KIAA0825: variants seen among roughly 807,000 people sequenced by gnomAD.
KIAA0825 encodes KIAA0825, also known as uncharacterized protein KIAA0825.
A neutral mutation model predicts 147.6 loss-of-function variants in KIAA0825; 119 were observed. That is an observed-to-expected ratio of 0.81 (90% CI 0.69 to 0.94). The LOEUF (loss-of-function observed/expected upper bound fraction) is 0.94. Ranked by LOEUF, KIAA0825 falls within the 40% of genes least tolerant of loss-of-function variation. The probability of loss-of-function intolerance (pLI) is 0.00; values close to 1 mark genes in which losing one functional copy is unlikely to be tolerated. For missense variants in KIAA0825, 1,381 were observed against 1,472.7 expected (o/e 0.94, Z 1.02); for synonymous variants, 470 against 518.1 (o/e 0.91, Z 1.26).
intron 20 of KIAA0825, among the ~76,000 whole-genome samples, chr5:94,217,241 C>T (rs1773286057): frequency 1.3e-5 from 2 of 151,824 alleles, no homozygotes; most frequent in South Asian, 4.2e-4. Flanking sequence ...TTTAAAATGA[C>T]TTACGTATCA....
At chr5:94,224,530 G>T (rs1400675913) in intron 20 of KIAA0825, among the ~76,000 whole-genome samples, 1 of 152,082 alleles carries the variant, frequency 6.6e-6, no homozygotes, top group Non-Finnish European at 1.5e-5. Context: ...ACTAGGAACG[G>T]TCCTATGAAT....
intron 20 of KIAA0825, among the ~76,000 whole-genome samples, chr5:94,210,811 G>T (rs1372409935): frequency 6.6e-6 from 1 of 152,190 alleles, no homozygotes; most frequent in Non-Finnish European, 1.5e-5. Context: ...ATTAGGTCTA[G>T]GGTGTGGATT....
intron 20 of KIAA0825, among the ~76,000 whole-genome samples, chr5:94,295,423 C>A (rs976115185): frequency 2.0e-5 from 3 of 152,056 alleles, no homozygotes; most frequent in African/African-American, 4.8e-5. Flanking sequence ...CTTCTTCTGT[C>A]AATTTGTCAA....
At chr5:94,433,895 C>A (rs1756011083) in intron 14 of KIAA0825, among the ~76,000 whole-genome samples, 1 of 152,204 alleles carries the variant, frequency 6.6e-6, no homozygotes, top group Admixed American at 6.5e-5. Context: ...ATTCAAATGT[C>A]ACTAGCAGGA....
At chr5:94,417,954 T>C (rs1328534989) in intron 14 of KIAA0825, among the ~76,000 whole-genome samples, 1 of 152,198 alleles carries the variant, frequency 6.6e-6, no homozygotes, top group East Asian at 1.9e-4. Flanking sequence ...GCCATTTTAA[T>C]TGTCCTTTTC....
chr5:94,362,657 C>T (rs745574405), intron 20 of KIAA0825, among the ~76,000 whole-genome samples: 3 of 142,410 alleles, frequency 2.1e-5, no homozygotes, highest in Admixed American at 7.0e-5. Context: ...TATAGCTATA[C>T]CCACTGATTT....
At chr5:94,485,840 C>T (rs1001944838) in intron 5 of KIAA0825, among the ~76,000 whole-genome samples, 4 of 151,506 alleles carry the variant, frequency 2.6e-5, no homozygotes, top group Non-Finnish European at 5.9e-5. Flanking sequence ...ATTAAGGTAG[C>T]TATTGAATCT....
chr5:94,355,379 C>T (rs1373656554), intron 20 of KIAA0825, among the ~76,000 whole-genome samples: 2 of 152,064 alleles, frequency 1.3e-5, no homozygotes, highest in Admixed American at 6.5e-5. Context: ...AGCAAAGAAA[C>T]ATGTTTGGGG....
intron 2 of KIAA0825, among the ~76,000 whole-genome samples, chr5:94,553,203 C>T (rs1373212009): frequency 2.6e-5 from 4 of 151,978 alleles, no homozygotes; most frequent in Non-Finnish European, 5.9e-5. Flanking sequence ...CTTTGGGAGG[C>T]GGAGGCGGGT....
At chr5:94,327,200 A>G (rs1562381648) in intron 20 of KIAA0825, among the ~76,000 whole-genome samples, 1 of 152,136 alleles carries the variant, frequency 6.6e-6, no homozygotes, top group Non-Finnish European at 1.5e-5. Context: ...ATAAGGGGTG[A>G]GAGGTGGCTG....
chr5:94,535,789 T>C lies in KIAA0825; in HGVS notation c.131+1207A>G, dbSNP rs576492464. The stretch of plus-strand genomic sequence containing the variant: ...TGTCATAAAGATACAAAAAAGTTTC[T>C]TTCTCCTCAGGATAAAGCCAATTAG... On this transcript the variant is annotated intron_variant, in intron 3 of 20. Transcript: ENST00000682413. Among the ~76,000 whole-genome samples the C allele has an allele frequency of 3.1e-4, 47 of 152,332 alleles. 1 individual carries two copies. The South Asian group carries it at 8.9e-3, about 29-fold the overall frequency.
chr5:94,577,215 T>C (rs1584944177), intron 2 of KIAA0825, among the ~76,000 whole-genome samples: 1 of 152,140 alleles, frequency 6.6e-6, no homozygotes, highest in African/African-American at 2.4e-5. Context: ...AAAGCTATGA[T>C]TGAAAAATCC....
chr5:94,453,164 G>T, intron 12 of KIAA0825, 95 bp from the exon 13 acceptor site: 1 of 691,640 alleles, frequency 1.4e-6, no homozygotes, highest in South Asian at 1.9e-5. Context: ...TTCAGTTAAT[G>T]ATTTTTTTTG....
chr5:94,537,997 G>A (rs771179916), intron 2 of KIAA0825, among the ~76,000 whole-genome samples: 24 of 152,152 alleles, frequency 1.6e-4, no homozygotes, highest in Non-Finnish European at 2.8e-4. Context: ...TGAGGCACAT[G>A]TATTTCCCCA....
Position 94,464,856 on chromosome 5 carries a change from G to T in KIAA0825, c.2063+13C>A. 1 of 1,534,322 alleles carries T rather than the reference G, an allele frequency of 6.5e-7. No individual in the cohort carries two copies. Among genetic ancestry groups the T allele is most frequent in the South Asian group, 1.2e-5 (1 of 82,310 alleles). ...TTTTCTTGAAAAGCAATGTTTTTCA[G>T]AACTTCAATTACCTTAACTGTGGAG... On this transcript the variant is annotated intron_variant, in intron 11 of 20. Coordinates refer to ENST00000682413, the MANE Select transcript of KIAA0825 (RefSeq NM_001145678.3).
chr5:94,177,434 T>C (rs1183995578), intron 20 of KIAA0825, among the ~76,000 whole-genome samples: 1 of 152,126 alleles, frequency 6.6e-6, no homozygotes, highest in Non-Finnish European at 1.5e-5. Context: ...CCCATTCATT[T>C]GCTACTAACC....
chr5:94,233,329 C>T (rs1222274262), intron 20 of KIAA0825, among the ~76,000 whole-genome samples: 2 of 152,144 alleles, frequency 1.3e-5, no homozygotes, highest in African/African-American at 4.8e-5. Context: ...TGAGGCATTA[C>T]TGAACAATGT....
intron 5 of KIAA0825, among the ~76,000 whole-genome samples, chr5:94,498,066 C>T (rs1191592771): frequency 6.6e-6 from 1 of 152,172 alleles, no homozygotes; most frequent in Non-Finnish European, 1.5e-5. Context: ...GGTAATCTTA[C>T]ACATAACTGG....
chr5:94,348,642 C>T (rs767848253), intron 20 of KIAA0825, among the ~76,000 whole-genome samples: 11 of 152,060 alleles, frequency 7.2e-5, no homozygotes, highest in Non-Finnish European at 1.5e-4. Flanking sequence ...TGCAAATGGA[C>T]ACCAAAAGTG....
Sources: gnomAD v4.1 joint callset for allele counts (sites outside exome capture counted in the v4.1 genomes callset) on GRCh38, gnomAD v4.1.1 for gene constraint, MANE v1.5 for transcripts, NCBI Gene and HGNC (gene_info 2026-07-23, HGNC 2026-07-21) for gene names.